Variants in DLC1 observed in about 807,000 individuals in gnomAD.
DLC1 encodes rho GTPase-activating protein 7.
Under a neutral mutation model 140.3 loss-of-function variants are expected in DLC1, and 54 were observed. The ratio of observed to expected loss-of-function variants is 0.38; its 90% CI spans 0.31 to 0.48. DLC1 has a LOEUF of 0.48. DLC1 is among the 20% of genes least tolerant of loss of function. The pLI is 0.96. For missense variants in DLC1, 2,536 were observed against 1,907.0 expected, an observed-to-expected ratio of 1.33 and a Z score of -6.14; for synonymous variants, 986 against 728.1, an observed-to-expected ratio of 1.35 and a Z score of -5.70.
intron 5 of DLC1, among the ~76,000 whole-genome samples, chr8:13,272,227 C>A (rs1830963029): frequency 6.6e-6 from 1 of 152,096 alleles, no homozygotes; most frequent in Admixed American, 6.5e-5. Context: ...GTGGGTGGAT[C>A]ATTTGAAGTT....
At chr8:13,450,227 G>C (rs1438896584) in intron 2 of DLC1, among the ~76,000 whole-genome samples, 1 of 151,924 alleles carries the variant, frequency 6.6e-6, no homozygotes, top group Admixed American at 6.6e-5. Context: ...GGCTGAGGCA[G>C]GTGGATCACC....
chr8:13,552,109 G>GGGTATATATATATA (rs1803881067), intron 1 of DLC1, among the ~76,000 whole-genome samples: 1 of 18,522 alleles, frequency 5.4e-5, no homozygotes, highest in African/African-American at 2.0e-4. Context: ...CTGTCTAGAG[G>GGGTATATATATATA]TGTATATATA....
At chr8:13,313,133 G>A (rs1034362253) in intron 4 of DLC1, among the ~76,000 whole-genome samples, 6 of 152,068 alleles carry the variant, frequency 3.9e-5, no homozygotes, top group African/African-American at 1.4e-4. Context: ...TTTACTTACA[G>A]CACTGTTTTC....
intron 3 of DLC1, among the ~76,000 whole-genome samples, chr8:13,398,546 C>T (rs1436885648): frequency 6.9e-6 from 1 of 145,730 alleles, no homozygotes; most frequent in Non-Finnish European, 1.5e-5. Context: ...GTGAAGATTG[C>T]TTGAGGCCAG....
intron 5 of DLC1, among the ~76,000 whole-genome samples, chr8:13,162,712 G>A (rs565537422): frequency 1.1e-3 from 172 of 152,268 alleles, no homozygotes; most frequent in African/African-American, 3.8e-3. Context: ...GGCCAAGGCA[G>A]GAGGATCACT....
chr8:13,575,914 G>T (rs1429877787), intron 1 of DLC1, among the ~76,000 whole-genome samples: 1 of 152,186 alleles, frequency 6.6e-6, no homozygotes, highest in African/African-American at 2.4e-5. Flanking sequence ...CATATTTTGA[G>T]TATCTGTGTG....
At chr8:13,123,349 T>C (rs1000849306) in intron 5 of DLC1, among the ~76,000 whole-genome samples, 3 of 150,658 alleles carry the variant, frequency 2.0e-5, no homozygotes, top group African/African-American at 7.3e-5. Flanking sequence ...CCGCACCTTT[T>C]TGGTTGTTGA....
chr8:13,576,563 A>C (rs945315701), intron 1 of DLC1, among the ~76,000 whole-genome samples: 1 of 152,218 alleles, frequency 6.6e-6, no homozygotes, highest in Non-Finnish European at 1.5e-5. Context: ...GTTCTGAGAG[A>C]GTCGATTGCT....
At chr8:13,122,848 C>G (rs938066822) in intron 5 of DLC1, among the ~76,000 whole-genome samples, 1 of 151,294 alleles carries the variant, frequency 6.6e-6, no homozygotes, top group African/African-American at 2.4e-5. Context: ...TGGTCAGTCA[C>G]TAAGTCAGTT....
chr8:13,510,016 G>GTGATGC (rs1220913399), intron 1 of DLC1, among the ~76,000 whole-genome samples: 1 of 152,114 alleles, frequency 6.6e-6, no homozygotes, highest in African/African-American at 2.4e-5. Flanking sequence ...GATGGTGATG[G>GTGATGC]TGATGGTGAT....
rs147446566 is a variant in DLC1 at position 13,255,540 on chromosome 8, A to C, written c.1348+49729T>G. On this transcript the variant is annotated intron_variant, in intron 5 of 17. Coordinates refer to ENST00000276297, the MANE Select transcript of DLC1 (RefSeq NM_182643.3). ...ATGAAATGAATGGAATGAAAGAAAAAAATAGTAAATGAACAGATGTGAGGG... is the reference window on the plus strand; with the variant it reads ...ATGAAATGAATGGAATGAAAGAAAACAATAGTAAATGAACAGATGTGAGGG... Among the ~76,000 whole-genome samples, 56 of 152,328 alleles carry C rather than the reference A, an allele frequency of 3.7e-4. 1 individual carries two copies. The East Asian group carries it at 9.1e-3, about 25-fold the overall frequency.
intron 2 of DLC1, among the ~76,000 whole-genome samples, chr8:13,412,782 A>G (rs1837836782): frequency 6.6e-6 from 1 of 151,998 alleles, no homozygotes; most frequent in Admixed American, 6.6e-5. Context: ...AATACAAAAA[A>G]TTAGCCGGGT....
intron 4 of DLC1, among the ~76,000 whole-genome samples, chr8:13,329,964 A>T (rs1007001305): frequency 2.0e-5 from 3 of 151,834 alleles, no homozygotes; most frequent in African/African-American, 7.3e-5. Context: ...TTTATTTTTT[A>T]TTTTTATTTT....
At chr8:13,506,987 A>C (rs1802122683) in intron 1 of DLC1, among the ~76,000 whole-genome samples, 1 of 152,082 alleles carries the variant, frequency 6.6e-6, no homozygotes, top group African/African-American at 2.4e-5. Flanking sequence ...TGTGCCCCCA[A>C]AACACTTACT....
intron 5 of DLC1, among the ~76,000 whole-genome samples, chr8:13,151,565 A>G (rs1330375787): frequency 2.0e-5 from 3 of 152,352 alleles, no homozygotes; most frequent in Admixed American, 6.5e-5. Flanking sequence ...AGAAAAAAGA[A>G]TTTAGATTTA....
At chr8:13,360,127 C>T (rs1835154475) in intron 4 of DLC1, among the ~76,000 whole-genome samples, 1 of 152,138 alleles carries the variant, frequency 6.6e-6, no homozygotes, top group South Asian at 2.1e-4. Flanking sequence ...TTCCTTGAGA[C>T]ATTAATTTCA....
At chr8:13,318,892 A>G (rs188819902) in intron 4 of DLC1, among the ~76,000 whole-genome samples, 3 of 152,292 alleles carry the variant, frequency 2.0e-5, no homozygotes, top group Admixed American at 2.0e-4. Flanking sequence ...TTATGACCAC[A>G]CTAGAAAGTG....
At chr8:13,086,231 A>G in intron 17 of DLC1, 59 bp downstream of exon 17, 3 of 1,567,614 alleles carry the variant, frequency 1.9e-6, no homozygotes. Flanking sequence ...GCATTAGACA[A>G]AAAGTCAGAA....
chr8:13,197,360 T>G (rs75200691), intron 5 of DLC1, among the ~76,000 whole-genome samples: 14,766 of 152,150 alleles, frequency 0.097, 783 homozygotes, highest in South Asian at 0.15. Context: ...TCAATTTATT[T>G]TTTTTGAGAT....
Sources: gnomAD v4.1 joint callset for allele counts (sites outside exome capture counted in the v4.1 genomes callset) on GRCh38, gnomAD v4.1.1 for gene constraint, MANE v1.5 for transcripts, NCBI Gene and HGNC (gene_info 2026-07-23, HGNC 2026-07-21) for gene names.